The following DCP2 variants were observed in gnomAD, a reference collection of about 807,000 sequenced individuals.
DCP2 encodes the protein m7GpppN-mRNA hydrolase.
A neutral mutation model predicts 56.1 loss-of-function variants in DCP2; 30 were observed. That is an observed-to-expected ratio of 0.53 (90% CI 0.40 to 0.73). DCP2 has a LOEUF of 0.73. Ranked by LOEUF, DCP2 falls within the 30% of genes least tolerant of loss-of-function variation. DCP2 has a pLI of 0.00. For missense variants in DCP2, 533 were observed against 502.7 expected, an observed-to-expected ratio of 1.06 and a Z score of -0.58; for synonymous variants, 197 against 163.3, an observed-to-expected ratio of 1.21 and a Z score of -1.57.
chr5:113,012,341 G>C (rs1292299992), intron 10 of DCP2, among the ~76,000 whole-genome samples: 2 of 152,296 alleles, frequency 1.3e-5, no homozygotes, highest in Middle Eastern at 3.4e-3. Flanking sequence ...TTGGGCAACA[G>C]AATGAGACCA....
At chr5:113,003,664 G>T (rs1437948502) in intron 7 of DCP2, among the ~76,000 whole-genome samples, 1 of 152,080 alleles carries the variant, frequency 6.6e-6, no homozygotes, top group Non-Finnish European at 1.5e-5. Flanking sequence ...CACTTATAGG[G>T]AGGAGATGGC....
At chr5:113,000,412 ACACACACACACACC>A (rs1466506243) in intron 4 of DCP2, among the ~76,000 whole-genome samples, 104 of 105,348 alleles carry the variant, frequency 9.9e-4, no homozygotes, top group African/African-American at 3.6e-3. Context: ...ACACACACAC[ACACACACACACACC>A]CACACACCCT....
At chr5:113,004,864 A>G (rs1749343207) in intron 8 of DCP2, among the ~76,000 whole-genome samples, 4 of 150,096 alleles carry the variant, frequency 2.7e-5, no homozygotes, top group Admixed American at 6.7e-5. Flanking sequence ...GTGGTGGCTC[A>G]TGGCTGTAAT....
intron 9 of DCP2, 96 bp downstream of exon 9, chr5:113,008,138 C>T (rs1031983661): frequency 1.6e-5 from 17 of 1,068,618 alleles, no homozygotes; most frequent in Non-Finnish European, 2.3e-5. Context: ...TTGTTTTGTT[C>T]TTATTTTAAT....
chr5:112,995,635 T>C (rs768654617), intron 4 of DCP2, among the ~76,000 whole-genome samples: 13 of 152,256 alleles, frequency 8.5e-5, no homozygotes, highest in Non-Finnish European at 1.5e-4. Context: ...ATAAAAATTC[T>C]AACCTCTAAA....
intron 8 of DCP2, among the ~76,000 whole-genome samples, chr5:113,006,884 G>C (rs1035782778): frequency 2.0e-5 from 3 of 152,080 alleles, no homozygotes; most frequent in African/African-American, 7.2e-5. Context: ...TGTAATTCTA[G>C]CTCTTCGGGA....
At chr5:112,995,769 C>G (rs1302449968) in intron 4 of DCP2, among the ~76,000 whole-genome samples, 2 of 152,246 alleles carry the variant, frequency 1.3e-5, no homozygotes, top group East Asian at 1.9e-4. Flanking sequence ...CCGACTTTGT[C>G]GTAAAGTTTG....
At chr5:112,978,675 G>T (rs1464788364) in intron 1 of DCP2, among the ~76,000 whole-genome samples, 3 of 142,630 alleles carry the variant, frequency 2.1e-5, no homozygotes, top group Non-Finnish European at 3.1e-5. Flanking sequence ...TTAGTTTCTT[G>T]TCCCAAATAA....
At chr5:112,984,682 TAA>T (rs1462051968) in intron 1 of DCP2, 10 of 65,262 alleles carry the variant, frequency 1.5e-4, no homozygotes, top group African/African-American at 9.6e-4. Context: ...TTTTATTTCT[TAA>T]TTAAAAAAAA....
chr5:112,999,050 C>T (rs1259753841), intron 4 of DCP2, among the ~76,000 whole-genome samples: 2 of 152,212 alleles, frequency 1.3e-5, no homozygotes, highest in Non-Finnish European at 2.9e-5. Context: ...TCTTCAGTCT[C>T]CTTTAATCTG....
chr5:113,000,906 T>C (rs1161830118), intron 4 of DCP2, among the ~76,000 whole-genome samples, 178 bp from the exon 5 acceptor site: 1 of 152,210 alleles, frequency 6.6e-6, no homozygotes, highest in Non-Finnish European at 1.5e-5. Flanking sequence ...TTAGAAACAA[T>C]AGGGCACAAG....
At chr5:112,982,789 T>C (rs1748072612) in intron 1 of DCP2, among the ~76,000 whole-genome samples, 1 of 152,242 alleles carries the variant, frequency 6.6e-6, no homozygotes, top group African/African-American at 2.4e-5. Flanking sequence ...TGTTTTCTTC[T>C]GGTTCCTCAA....
intron 2 of DCP2, among the ~76,000 whole-genome samples, chr5:112,991,441 G>C (rs1020676099): frequency 1.3e-5 from 2 of 152,096 alleles, no homozygotes; most frequent in African/African-American, 4.8e-5. Context: ...CCCAGTTTTG[G>C]GGGGAGGCAT....
chr5:113,000,912 A>G (rs1055407585), intron 4 of DCP2, among the ~76,000 whole-genome samples, 172 bp from the exon 5 acceptor site: 3 of 152,222 alleles, frequency 2.0e-5, no homozygotes, highest in Admixed American at 6.5e-5. Context: ...ACAATAGGGC[A>G]CAAGAACTTT....
intron 2 of DCP2, among the ~76,000 whole-genome samples, chr5:112,987,008 GAA>G (rs1028799249): frequency 6.6e-6 from 1 of 152,094 alleles, no homozygotes; most frequent in Admixed American, 6.5e-5. Flanking sequence ...GTCTCAAAGA[GAA>G]AAAAGTCATC....
At position 112,981,977 on chromosome 5, in the gene DCP2, A is replaced by G. The variant is rs1435446404; in HGVS notation, c.54-3858A>G. ...GACGGGGTTTCACCATGTGTTAGCC[A>G]GGCTGGTCTTGAACTCCTGACCTCA... On this transcript the variant is annotated intron_variant, in intron 1 of 10. Transcript: ENST00000389063. Among the ~76,000 whole-genome samples the G allele has an allele frequency of 5.3e-5, 8 of 152,280 alleles. No individual in the cohort carries two copies. The South Asian group carries it at 1.4e-3, about 28-fold the overall frequency.
rs909130047 is a variant in DCP2 at position 112,997,764 on chromosome 5, G to A, written c.433-3320G>A. ...CGAGTACCTGGGATTACAGGCGCAC[G>A]CCACCATGTTTGGCTAATTTTTGTA... On this transcript the variant is annotated intron_variant, in intron 4 of 10. Coordinates refer to ENST00000389063, the MANE Select transcript of DCP2 (RefSeq NM_152624.6). Among the ~76,000 whole-genome samples the A allele has an allele frequency of 1.1e-4, 17 of 151,992 alleles. No individual in the cohort carries two copies. In the East Asian group the frequency reaches 2.7e-3, roughly 24 times the overall value.
At position 112,976,859 on chromosome 5, in the gene DCP2, G is replaced by A. The variant is rs764886418; in HGVS notation, c.-75G>A. On this transcript the variant is annotated 5_prime_UTR_variant, in exon 1 of 11. Coordinates refer to ENST00000389063, the MANE Select transcript of DCP2 (RefSeq NM_152624.6). ...TCGGCTGCCAGCTCTCCGGCGAGCC[G>A]GAGTCCTAGTGCCGTACCGTCAGTC... 2.7e-6 allele frequency: 4 copies of A among 1,503,622 alleles called. No homozygotes were observed. The highest frequency in any genetic ancestry group is 3.7e-6 in the Non-Finnish European group (4 of 1,079,622). The allele number at this position is 1,503,622 out of a possible 1,614,324, so 93.1% of individuals were successfully genotyped here.
At chr5:113,008,065 T>G in intron 9 of DCP2, 23 bp downstream of exon 9, 1 of 1,585,468 alleles carries the variant, frequency 6.3e-7, no homozygotes, top group South Asian at 1.1e-5. Flanking sequence ...GCTGTCACAC[T>G]AAGTAGGCAG....
Sources: gnomAD v4.1 joint callset for allele counts (sites outside exome capture counted in the v4.1 genomes callset) on GRCh38, gnomAD v4.1.1 for gene constraint, MANE v1.5 for transcripts, NCBI Gene and HGNC (gene_info 2026-07-23, HGNC 2026-07-21) for gene names.